KLHL10: variants seen among roughly 807,000 people sequenced by gnomAD.
KLHL10 encodes the protein kelch-like protein 10.
Under a neutral mutation model 46.6 loss-of-function variants are expected in KLHL10, and 11 were observed. The observed-to-expected ratio is 0.24, with a 90% CI of 0.15 to 0.39. The LOEUF is 0.39. KLHL10 is among the 10% of genes least tolerant of loss of function. The pLI is 1.00. For synonymous variants in KLHL10, 254 were observed against 279.1 expected (o/e 0.91, Z 0.90); for missense variants, 475 against 789.8 (o/e 0.60, Z 4.78).
At chr17:41,846,356 A>G (rs1350677254) in intron 3 of KLHL10, among the ~76,000 whole-genome samples, 1 of 151,826 alleles carries the variant, frequency 6.6e-6, no homozygotes, top group Admixed American at 6.6e-5. Context: ...CCCTGTCTCT[A>G]CTAAAAATAC....
At chr17:41,836,262 C>T, upstream of KLHL10, 1 of 1,159,880 alleles carries the variant, frequency 8.6e-7, no homozygotes, top group Non-Finnish European at 1.1e-6. Context: ...GCAGGCGTCG[C>T]CTCCCGCCTG....
At position 41,842,278 on chromosome 17, in the gene KLHL10, A is replaced by G; in HGVS notation, c.650A>G (p.Asn217Ser). Residue 217 changes from asparagine (N) to serine (S), a missense_variant, in exon 2 of 5, where the codon AAT becomes AGT. By Grantham distance (46) the Asn-to-Ser change is conservative. Transcript: ENST00000293303. ...AAGTGGATTTCTCATGACCCCCAAAATAGAAAGCAGCACATTTCAATTTTG... is the reference window on the plus strand; with the variant it reads ...AAGTGGATTTCTCATGACCCCCAAAGTAGAAAGCAGCACATTTCAATTTTG... ...ILKWISHDPQ[N>S]RKQHISILLP... 6.2e-7 allele frequency: 1 copy of G among 1,614,124 alleles called. No homozygotes were observed. The highest frequency in any genetic ancestry group is 8.5e-7 in the Non-Finnish European group (1 of 1,180,030).
At position 41,838,055 on chromosome 17, in the gene KLHL10, G is replaced by A; in HGVS notation, c.123G>A (p.Val41=). 1 of 1,613,992 alleles carries A rather than the reference G, an allele frequency of 6.2e-7. No individual in the cohort carries two copies. The highest frequency in any genetic ancestry group is 1.3e-5 in the African/African-American group (1 of 74,976). ...ELRLEGKLCD[V]VIKVNGFEFS... ...GACTAGAGGGCAAGCTCTGCGACGT[G>A]GTCATCAAGGTCAATGGCTTTGAGT... is the stretch of plus-strand genomic sequence containing the variant. Residue 41 remains valine (V), a synonymous_variant, in exon 1 of 5, where the codon GTG becomes GTA. Transcript: ENST00000293303.
intron 2 of KLHL10, among the ~76,000 whole-genome samples, chr17:41,844,264 T>C (rs1196627353): frequency 6.8e-6 from 1 of 147,690 alleles, no homozygotes; most frequent in African/African-American, 2.5e-5. Flanking sequence ...GGAGTCTAGC[T>C]CTGTTGCCCA....
rs376650594 is a variant in KLHL10 at position 41,843,459 on chromosome 17, C to T, written c.684+1147C>T. 6.9e-4 allele frequency among the ~76,000 whole-genome samples: 105 copies of T among 151,110 alleles called. 1 individual carries two copies. In the Admixed American group the frequency reaches 7.0e-3, roughly 10 times the overall value. On this transcript the variant is annotated intron_variant, in intron 2 of 4. Coordinates refer to ENST00000293303, the MANE Select transcript of KLHL10 (RefSeq NM_152467.5). ...GGCGGAGGCTGCAGTGAGCCCAGAT[C>T]GCACCATTGCACTCCAGCTGGGCGA...
At chr17:41,837,652 G>A (rs1243892877), upstream of KLHL10, 1 of 1,158,516 alleles carries the variant, frequency 8.6e-7, no homozygotes, top group African/African-American at 1.6e-5. Context: ...GTTCTGTTTT[G>A]GGTTCAAGGA....
chr17:41,843,844 C>T (rs751301821), intron 2 of KLHL10, among the ~76,000 whole-genome samples: 28 of 152,060 alleles, frequency 1.8e-4, no homozygotes, highest in Non-Finnish European at 3.8e-4. Flanking sequence ...TCACTGCAAC[C>T]TCTGCCTCCC....
upstream of KLHL10, chr17:41,836,054 G>C (rs1555619959): frequency 7.1e-7 from 1 of 1,405,216 alleles, no homozygotes; most frequent in African/African-American, 1.5e-5. Context: ...GCGGGGCCGG[G>C]GTGCGCGAGG....
At chr17:41,839,075 G>A (rs782619823) in intron 1 of KLHL10, among the ~76,000 whole-genome samples, 4 of 151,898 alleles carry the variant, frequency 2.6e-5, no homozygotes, top group Admixed American at 6.6e-5. Context: ...CACTGCAACC[G>A]CTGCCTCCCA....
intron 3 of KLHL10, among the ~76,000 whole-genome samples, chr17:41,847,020 CAGG>C (rs1280721579): frequency 1.3e-5 from 2 of 152,068 alleles, no homozygotes; most frequent in Admixed American, 6.6e-5. Flanking sequence ...GATGCTGAGG[CAGG>C]AGAATTGTTA....
rs782283647 is a variant in KLHL10 at position 41,841,745 on chromosome 17, T to G, written c.195-78T>G. 13 of 1,582,892 alleles carry G rather than the reference T, an allele frequency of 8.2e-6. No individual in the cohort carries two copies. The South Asian group carries it at 8.9e-5, about 11-fold the overall frequency. On this transcript the variant is annotated intron_variant, in intron 1 of 4. Transcript: ENST00000293303. ...ATATAGCACATGCCTGCACCCCACT[T>G]TCTCAGACCATTTCCAATGTACTCA...
At chr17:41,837,263 G>A (rs1170638244), upstream of KLHL10, among the ~76,000 whole-genome samples, 1 of 152,176 alleles carries the variant, frequency 6.6e-6, no homozygotes, top group Non-Finnish European at 1.5e-5. Flanking sequence ...CTCCTGGGTT[G>A]AAGCGATTCT....
rs75379794 is a variant in KLHL10, at chr17:41,847,438, C to A, written c.1452+28C>A. On this transcript the variant is annotated intron_variant, in intron 4 of 4. Transcript: ENST00000293303. ...AAGTTTATCTAGTACCACACACACA[C>A]AAAAAACACATTACCCCTAGATTTT... is the stretch of plus-strand genomic sequence containing the variant. 69,760 of 1,608,784 alleles carry A rather than the reference C, an allele frequency of 0.043. 1,773 individuals are homozygous for A. The highest frequency in any genetic ancestry group is 0.1 in the East Asian group (4,549 of 44,642).
At chr17:41,837,776 T>G (rs1014982360), upstream of KLHL10, 4 of 1,461,908 alleles carry the variant, frequency 2.7e-6, no homozygotes, top group Non-Finnish European at 3.6e-6. Flanking sequence ...TCCTGTGTGA[T>G]CTCACTGCAG....
At chr17:41,838,304 C>T (rs1555620411) in intron 1 of KLHL10, among the ~76,000 whole-genome samples, 178 bp downstream of exon 1, 2 of 152,118 alleles carry the variant, frequency 1.3e-5, no homozygotes, top group African/African-American at 2.4e-5. Context: ...TTCTTTCACC[C>T]AGGCTGGAGT....
chr17:41,836,203 G>A, upstream of KLHL10: 25 of 1,245,024 alleles, frequency 2.0e-5, no homozygotes, highest in Non-Finnish European at 2.5e-5. Flanking sequence ...TCCCGTTCGA[G>A]GCCTGGTCGG....
chr17:41,836,572 C>G, upstream of KLHL10: 1 of 514,862 alleles, frequency 1.9e-6, no homozygotes, highest in Non-Finnish European at 2.5e-6. Context: ...CCTGTAATCC[C>G]AGGACTTTGG....
chr17:41,840,825 G>T (rs2144126151), intron 1 of KLHL10, among the ~76,000 whole-genome samples: 1 of 149,302 alleles, frequency 6.7e-6, no homozygotes, highest in East Asian at 2.0e-4. Context: ...CTTAAAAAAA[G>T]GAAGCAAAAG....
At chr17:41,838,154 A>C (rs1555620382) in intron 1 of KLHL10, 28 bp downstream of exon 1, 4 of 1,579,850 alleles carry the variant, frequency 2.5e-6, no homozygotes, top group Non-Finnish European at 3.5e-6. Context: ...AATTCAGCCA[A>C]AGGGGTAATT....
Sources: gnomAD v4.1 joint callset for allele counts (sites outside exome capture counted in the v4.1 genomes callset) on GRCh38, gnomAD v4.1.1 for gene constraint, MANE v1.5 for transcripts, NCBI Gene and HGNC (gene_info 2026-07-23, HGNC 2026-07-21) for gene names.